Variants in REEP5 observed in about 807,000 individuals in gnomAD.
The protein encoded by REEP5 is receptor expression-enhancing protein 5.
REEP5 carries 24 observed loss-of-function variants against 22.4 expected under a neutral mutation model. That is an observed-to-expected ratio of 1.07 (90% confidence interval 0.78 to 1.51). The LOEUF is 1.51. Ranked by LOEUF, REEP5 falls within the 40% of genes most tolerant of loss-of-function variation. The pLI is 0.00. For missense variants in REEP5, 252 were observed against 233.0 expected (o/e 1.08, Z -0.53); for synonymous variants, 103 against 88.6 (o/e 1.16, Z -0.92).
chr5:112,901,701 G>A (rs1351997525), intron 3 of REEP5, among the ~76,000 whole-genome samples: 1 of 148,510 alleles, frequency 6.7e-6, no homozygotes, highest in African/African-American at 2.5e-5. Flanking sequence ...AACAGACCAA[G>A]AGTCCATCTC....
At chr5:112,888,358 A>C (rs1768325521) in intron 3 of REEP5, among the ~76,000 whole-genome samples, 1 of 152,230 alleles carries the variant, frequency 6.6e-6, no homozygotes, top group Non-Finnish European at 1.5e-5. Context: ...GGCTCTGAGA[A>C]ATTTATACTA....
intron 3 of REEP5, chr5:112,892,714 G>A: frequency 6.2e-7 from 1 of 1,614,060 alleles, no homozygotes; most frequent in South Asian, 1.1e-5. Flanking sequence ...AGATCAGACT[G>A]GCTCCTCCTT....
In REEP5 at chr5:112,892,390, G is replaced by C. The variant is rs183342096; in HGVS notation, c.352-5207C>G. On this transcript the variant is annotated intron_variant, in intron 3 of 4. Transcript: ENST00000379638. ...AGATTTCTATGAGGATGTGTTGCCC[G>C]AGTTCAAGAACGTGGGGAAAGTGAT... is the stretch of plus-strand genomic sequence containing the variant. 4.7e-4 allele frequency: 753 copies of C among 1,614,072 alleles called. 3 individuals carry two copies. The African/African-American group carries it at 8.7e-3, about 19-fold the overall frequency.
At chr5:112,905,623 G>T (rs896618689) in intron 2 of REEP5, among the ~76,000 whole-genome samples, 1 of 150,058 alleles carries the variant, frequency 6.7e-6, no homozygotes, top group Non-Finnish European at 1.5e-5. Context: ...TAAAAAGATT[G>T]ATTGATTGAT....
chr5:112,909,349 G>A (rs1288531338), intron 2 of REEP5, among the ~76,000 whole-genome samples: 4 of 151,056 alleles, frequency 2.6e-5, no homozygotes, highest in Admixed American at 1.3e-4. Context: ...TTATAGTACA[G>A]TAATAACTTA....
At position 112,877,627 on chromosome 5, in the gene REEP5, A is replaced by G. The variant is rs1213885986; in HGVS notation, c.*1159T>C. On this transcript the variant is annotated 3_prime_UTR_variant, in exon 5 of 5. Coordinates refer to ENST00000379638, the MANE Select transcript of REEP5 (RefSeq NM_005669.5). ...GTGTTTGACCTTAAAGGCCAGAGAA[A>G]AACTGAAGATAGATTGACTTAACTA... 1 of 152,184 alleles carries G rather than the reference A, an allele frequency of 6.6e-6. No homozygotes were observed. The highest frequency in any genetic ancestry group is 1.5e-5 in the Non-Finnish European group (1 of 68,034). 9.4% of individuals were successfully genotyped at this position (152,184 alleles called of 1,614,324 possible).
chr5:112,895,585 A>T (rs1768658286), intron 3 of REEP5: 1 of 152,148 alleles, frequency 6.6e-6, no homozygotes, highest in African/African-American at 2.4e-5. Flanking sequence ...GGTACCCTCT[A>T]GCTATTGTCT....
rs1769200629 is a variant in REEP5, at chr5:112,915,019, C to T, written c.212+6144G>A. Among the ~76,000 whole-genome samples, 3 of 152,178 alleles carry T rather than the reference C, an allele frequency of 2.0e-5. No individual in the cohort carries two copies. The South Asian group carries it at 6.2e-4, about 32-fold the overall frequency. On this transcript the variant is annotated intron_variant, in intron 2 of 4. Transcript: ENST00000379638. ...AAAATTAATTGTTAATGTTATGAATCACCACTAAATACCTTAACATGTTAT... is the reference window on the plus strand; with the variant it reads ...AAAATTAATTGTTAATGTTATGAATTACCACTAAATACCTTAACATGTTAT...
intron 3 of REEP5, among the ~76,000 whole-genome samples, chr5:112,901,995 CA>C (rs1768860344): frequency 6.6e-6 from 1 of 150,778 alleles, no homozygotes; most frequent in African/African-American, 2.4e-5. Flanking sequence ...AGGCTAAGAC[CA>C]AAGACAAAAA....
At chr5:112,921,337 T>G (rs1769359272) in intron 1 of REEP5, 81 bp from the exon 2 acceptor site, 1 of 1,344,596 alleles carries the variant, frequency 7.4e-7, no homozygotes, top group Admixed American at 1.9e-5. Context: ...ACCGCGAGGC[T>G]GGGCCTGTTG....
Position 112,878,673 on chromosome 5 carries a change from C to A in REEP5, c.*113G>T. On this transcript the variant is annotated 3_prime_UTR_variant, in exon 5 of 5. Transcript: ENST00000379638. ...CAACACATTCCAATCTTTAATATCT[C>A]AAAAATGTTTCCAAGGCAACATTAT... 6.9e-7 allele frequency: 1 copy of A among 1,445,196 alleles called. No individual in the cohort carries two copies. The highest frequency in any genetic ancestry group is 2.2e-5 in the Admixed American group (1 of 45,472). 89.5% of individuals were successfully genotyped at this position (1,445,196 alleles called of 1,614,324 possible).
rs1364302001 is a variant in REEP5, at chr5:112,922,161, G to T, written c.30C>A (p.Asp10Glu). Residue 10 changes from aspartate (D) to glutamate (E), a missense_variant, in exon 1 of 5, where the codon GAC becomes GAA. By Grantham distance (45) the Asp-to-Glu change is conservative (BLOSUM62 2). Transcript: ENST00000379638. ...TGCAGTTCTTCTCGTGCAGGAACCG[G>T]TCGAACCTCTCCCTCATGGCCGCAG... MSAAMRERFDRFLHEKNCMT... is the reference protein window; with the variant it reads MSAAMRERFERFLHEKNCMT... 104 of 1,608,226 alleles carry T rather than the reference G, an allele frequency of 6.5e-5. No homozygotes were observed. Among genetic ancestry groups the T allele is most frequent in the Non-Finnish European group, 8.7e-5 (103 of 1,177,518 alleles).
intron 3 of REEP5, 89 bp from the exon 4 acceptor site, chr5:112,887,272 G>A: frequency 8.3e-7 from 1 of 1,208,776 alleles, no homozygotes. Flanking sequence ...CTCTGGGGAT[G>A]GGAGATGCCT....
intron 3 of REEP5, among the ~76,000 whole-genome samples, chr5:112,890,575 G>A (rs1370186432): frequency 3.4e-5 from 5 of 149,088 alleles, no homozygotes; most frequent in South Asian, 2.1e-4. Flanking sequence ...ATGGGGTTTC[G>A]CCATGTTGGC....
At chr5:112,891,799 G>C in intron 3 of REEP5, 1 of 1,608,080 alleles carries the variant, frequency 6.2e-7, no homozygotes. Flanking sequence ...GGAGGAGGAA[G>C]AGGACACTTT....
intron 3 of REEP5, 138 bp downstream of exon 3, chr5:112,902,242 T>C (rs971886131): frequency 4.2e-5 from 37 of 883,486 alleles, no homozygotes; most frequent in Admixed American, 6.9e-5. Flanking sequence ...TGAGACAGAG[T>C]CTCGCTCTGT....
intron 2 of REEP5, among the ~76,000 whole-genome samples, chr5:112,903,355 A>T (rs1768889236): frequency 6.6e-6 from 1 of 152,182 alleles, no homozygotes. Flanking sequence ...CAGGTTAACT[A>T]CTGAAAATAC....
At chr5:112,920,017 T>C (rs1769318760) in intron 2 of REEP5, among the ~76,000 whole-genome samples, 1 of 152,014 alleles carries the variant, frequency 6.6e-6, no homozygotes, top group East Asian at 1.9e-4. Context: ...CTCACGGGGG[T>C]CTGTATGCTT....
intron 4 of REEP5, among the ~76,000 whole-genome samples, chr5:112,880,716 T>C (rs763478235): frequency 1.3e-5 from 2 of 152,216 alleles, no homozygotes; most frequent in African/African-American, 4.8e-5. Context: ...ATTTTAAGTA[T>C]TGATATCTAA....
Sources: gnomAD v4.1 joint callset for allele counts (sites outside exome capture counted in the v4.1 genomes callset) on GRCh38, gnomAD v4.1.1 for gene constraint, MANE v1.5 for transcripts, NCBI Gene and HGNC (gene_info 2026-07-23, HGNC 2026-07-21) for gene names.